Variants in PSD3 observed in about 807,000 individuals in gnomAD.
PSD3 encodes the protein pleckstrin and Sec7 domain containing 3.
Under a neutral mutation model 105.5 loss-of-function variants are expected in PSD3, and 49 were observed. The observed-to-expected ratio is 0.46, with a 90% CI of 0.37 to 0.59. PSD3 has a LOEUF of 0.59. PSD3 is among the 20% of genes least tolerant of loss of function. PSD3 has a pLI of 0.00. For synonymous variants in PSD3, 557 were observed against 457.8 expected (o/e 1.22, Z -2.77); for missense variants, 1,561 against 1,263.8 (o/e 1.24, Z -3.57).
At chr8:18,713,883 C>T (rs775364873) in intron 9 of PSD3, among the ~76,000 whole-genome samples, 33 of 152,154 alleles carry the variant, frequency 2.2e-4, no homozygotes, top group Non-Finnish European at 3.7e-4. Context: ...TCAAACTATA[C>T]TACAAGTCTA....
At chr8:18,944,330 GA>G (rs1822729534) in intron 1 of PSD3, among the ~76,000 whole-genome samples, 1 of 152,160 alleles carries the variant, frequency 6.6e-6, no homozygotes, top group African/African-American at 2.4e-5. Context: ...AGCACTTTGG[GA>G]GGCCAAGGCG....
At position 18,570,852 on chromosome 8, in the gene PSD3, T is replaced by TTAC. The variant is rs1328321413; in HGVS notation, c.2784+1675_2784+1676insGTA. 1.4e-4 allele frequency among the ~76,000 whole-genome samples: 21 copies of TTAC among 149,324 alleles called. No homozygotes were observed. The East Asian group carries it at 3.9e-3, about 28-fold the overall frequency. ...ACTGTCCTGCTTAAAACTATTATTA[T>TTAC]TATTATTATTATTATTATTATTATT... is the stretch of plus-strand genomic sequence containing the variant. On this transcript the variant is annotated intron_variant, in intron 14 of 15. Coordinates refer to ENST00000327040, the MANE Select transcript of PSD3 (RefSeq NM_015310.4).
At chr8:18,866,830 C>T (rs922763341) in intron 4 of PSD3, among the ~76,000 whole-genome samples, 3 of 149,590 alleles carry the variant, frequency 2.0e-5, no homozygotes, top group African/African-American at 7.4e-5. Context: ...CAGCTTTAAA[C>T]AGCTTTAAAA....
intron 4 of PSD3, among the ~76,000 whole-genome samples, chr8:18,861,213 C>A (rs893166951): frequency 6.6e-6 from 1 of 152,148 alleles, no homozygotes; most frequent in Non-Finnish European, 1.5e-5. Flanking sequence ...GGCTCCCTGA[C>A]AATCGACCCA....
In PSD3 at chr8:18,535,794, C is replaced by T. The variant is rs760015968; in HGVS notation, c.3093G>A (p.Glu1031=). ...ITAKVKRNVS[E]RKDHRPETPS... is the part of the protein sequence containing the mutation. ...GTGTTTCAGGTCGGTGATCCTTCCT[C>T]TCTGACACGTTACGCTTGACTTTGG... is the stretch of plus-strand genomic sequence containing the variant. The change falls in exon 16 of 16, where the codon GAG becomes GAA. Residue 1031 remains glutamate, a synonymous_variant. Coordinates refer to ENST00000327040, the MANE Select transcript of PSD3 (RefSeq NM_015310.4). 1 of 1,614,134 alleles carries T rather than the reference C, an allele frequency of 6.2e-7. No homozygotes were observed. Among genetic ancestry groups the T allele is most frequent in the Admixed American group, 1.7e-5 (1 of 60,016 alleles).
intron 9 of PSD3, chr8:18,684,188 T>C: frequency 3.1e-6 from 1 of 323,450 alleles, no homozygotes. Flanking sequence ...CCACCCCTGC[T>C]ACTCGTCTCT....
intron 9 of PSD3, among the ~76,000 whole-genome samples, chr8:18,659,489 T>C (rs888095170): frequency 1.3e-5 from 2 of 152,188 alleles, no homozygotes; most frequent in African/African-American, 4.8e-5. Context: ...CCATAACTTG[T>C]TTTTCACAAA....
chr8:19,070,120 G>A (rs993491052), intron 1 of PSD3, among the ~76,000 whole-genome samples: 8 of 151,776 alleles, frequency 5.3e-5, no homozygotes, highest in African/African-American at 1.7e-4. Flanking sequence ...TCACAAAACA[G>A]ACTGTTGCCC....
At chr8:18,854,716 C>T (rs1375344287) in intron 4 of PSD3, among the ~76,000 whole-genome samples, 1 of 152,032 alleles carries the variant, frequency 6.6e-6, no homozygotes, top group Non-Finnish European at 1.5e-5. Context: ...CACAATTTAG[C>T]TCTGTTAAAT....
intron 15 of PSD3, among the ~76,000 whole-genome samples, chr8:18,554,114 A>C (rs1213191803): frequency 1.3e-5 from 2 of 152,178 alleles, no homozygotes; most frequent in Non-Finnish European, 2.9e-5. Context: ...TAGCAATGGC[A>C]AGCTTTCCAT....
intron 2 of PSD3, among the ~76,000 whole-genome samples, chr8:18,877,235 T>C (rs148856578): frequency 0.054 from 8,187 of 152,314 alleles, 234 homozygotes; most frequent in Admixed American, 0.089. Flanking sequence ...TAGCAAATCA[T>C]TGTCTAAACC....
intron 4 of PSD3, among the ~76,000 whole-genome samples, chr8:18,844,691 G>A (rs1173589378): frequency 6.6e-6 from 1 of 152,102 alleles, no homozygotes; most frequent in Non-Finnish European, 1.5e-5. Flanking sequence ...GCTTTCTCAG[G>A]GAAAAATAAG....
chr8:18,800,018 T>C (rs1319785430), intron 7 of PSD3, among the ~76,000 whole-genome samples: 3 of 152,186 alleles, frequency 2.0e-5, no homozygotes, highest in Non-Finnish European at 4.4e-5. Flanking sequence ...TATCAGTGTC[T>C]CTAAATAGAC....
intron 2 of PSD3, among the ~76,000 whole-genome samples, chr8:18,876,026 T>C (rs1817714746): frequency 6.6e-6 from 1 of 152,232 alleles, no homozygotes; most frequent in African/African-American, 2.4e-5. Flanking sequence ...TTCTTTCACC[T>C]GGCACAAGGT....
intron 4 of PSD3, among the ~76,000 whole-genome samples, chr8:18,863,464 T>G (rs1336379853): frequency 2.0e-5 from 3 of 152,092 alleles, no homozygotes; most frequent in African/African-American, 7.2e-5. Context: ...CCTCTTTGCT[T>G]CTTCATTGAT....
chr8:18,774,924 C>A (rs1378525039), intron 8 of PSD3: 1 of 456,164 alleles, frequency 2.2e-6, no homozygotes, highest in Non-Finnish European at 4.4e-6. Context: ...GCTACGGCTG[C>A]AAAAGCCACC....
At chr8:18,759,818 C>T (rs1806361593) in intron 9 of PSD3, among the ~76,000 whole-genome samples, 1 of 151,936 alleles carries the variant, frequency 6.6e-6, no homozygotes, top group African/African-American at 2.4e-5. Context: ...TCAGTTTCTT[C>T]CCTTCTTTCA....
intron 10 of PSD3, among the ~76,000 whole-genome samples, chr8:18,639,437 A>G (rs1254947430): frequency 6.6e-6 from 1 of 152,170 alleles, no homozygotes; most frequent in Non-Finnish European, 1.5e-5. Context: ...CTCTAGTCTT[A>G]GTGTTATGGG....
intron 1 of PSD3, among the ~76,000 whole-genome samples, chr8:19,008,551 G>A (rs891809617): frequency 6.6e-6 from 1 of 152,092 alleles, no homozygotes; most frequent in Non-Finnish European, 1.5e-5. Flanking sequence ...ATAACTTCTT[G>A]AAAGTACAAG....
Sources: allele counts gnomAD v4.1 joint callset (sites outside exome capture counted in the v4.1 genomes callset), GRCh38; gene constraint gnomAD v4.1.1; transcripts MANE v1.5; gene names NCBI Gene and HGNC (gene_info 2026-07-23, HGNC 2026-07-21).